GIGYF2: variants seen among roughly 807,000 people sequenced by gnomAD.
The protein encoded by GIGYF2 is GRB10 interacting GYF protein 2, also known as GRB10-interacting GYF protein 2.
GIGYF2 carries 25 observed loss-of-function variants against 208.1 expected under a neutral mutation model. The observed-to-expected ratio is 0.12, with a 90% confidence interval of 0.09 to 0.17. GIGYF2 has a LOEUF of 0.17. Among genes scored for constraint, GIGYF2 ranks in the 10% least tolerant of loss-of-function variants. The pLI is 1.00. For synonymous variants in GIGYF2, 534 were observed against 543.8 expected, an observed-to-expected ratio of 0.98 and a Z score of 0.25; for missense variants, 1,302 against 1,579.4, an observed-to-expected ratio of 0.82 and a Z score of 2.98.
At position 232,811,235 on chromosome 2, in the gene GIGYF2, T is replaced by G. The variant is rs979225194; in HGVS notation, c.1899-9T>G. ...TGACAGGTTATACTTTTTTTTTTAC[T>G]TTTTGAAGACAACAATATGCACAGG... On this transcript the variant is annotated splice_polypyrimidine_tract_variant and intron_variant, in intron 16 of 28. Transcript: ENST00000373563. 6.6e-7 allele frequency: 1 copy of G among 1,515,452 alleles called. No individual in the cohort carries two copies. Among genetic ancestry groups the G allele is most frequent in the Non-Finnish European group, 9.2e-7 (1 of 1,090,120 alleles). 93.9% of individuals were successfully genotyped at this position (1,515,452 alleles called of 1,614,324 possible).
rs1350593521 is a variant in GIGYF2 at position 232,858,595 on chromosome 2, AAAAG to A, written c.*1738_*1741del. The A allele has an allele frequency of 1.1e-5, 5 of 454,446 alleles. No homozygotes were observed. Among genetic ancestry groups the A allele is most frequent in the East Asian group, 1.4e-4 (2 of 14,384 alleles). 28.2% of individuals were successfully genotyped at this position (454,446 alleles called of 1,614,324 possible). A position where few individuals can be genotyped will look rare whatever the true frequency, so the allele number is the denominator to read the frequency against. On this transcript the variant is annotated 3_prime_UTR_variant, in exon 29 of 29. Transcript: ENST00000373563. Reference sequence around the variant, plus strand: ...CTTTTGCCAGTGTGGAGGAAAATAAAAAAGAACTTAAATAAAATCTGATTGTATT... The same window carrying A: ...CTTTTGCCAGTGTGGAGGAAAATAAAAACTTAAATAAAATCTGATTGTATT...
chr2:232,799,765 A>C (rs2106373211), intron 14 of GIGYF2, among the ~76,000 whole-genome samples: 1 of 152,248 alleles, frequency 6.6e-6, no homozygotes, highest in Middle Eastern at 3.4e-3. Flanking sequence ...ACAGTCCACA[A>C]GGGTTTTAAT....
chr2:232,725,787 A>T (rs1291858499), intron 2 of GIGYF2, among the ~76,000 whole-genome samples: 2 of 152,214 alleles, frequency 1.3e-5, no homozygotes, highest in Non-Finnish European at 2.9e-5. Context: ...TTCATAATGC[A>T]TCCAAGTAAT....
At chr2:232,732,109 T>C (rs1357380688) in intron 2 of GIGYF2, among the ~76,000 whole-genome samples, 1 of 152,208 alleles carries the variant, frequency 6.6e-6, no homozygotes, top group African/African-American at 2.4e-5. Flanking sequence ...ATGCAAAGTA[T>C]TGGTGATGCA....
At chr2:232,848,697 A>G (rs957442234) in intron 27 of GIGYF2, among the ~76,000 whole-genome samples, 2 of 152,194 alleles carry the variant, frequency 1.3e-5, no homozygotes, top group Non-Finnish European at 2.9e-5. Context: ...ACATGGCACT[A>G]AATAGACCAC....
intron 3 of GIGYF2, among the ~76,000 whole-genome samples, chr2:232,739,663 C>T (rs1206730984): frequency 2.6e-5 from 4 of 151,830 alleles, no homozygotes; most frequent in Non-Finnish European, 5.9e-5. Flanking sequence ...TAGAGCAAGA[C>T]CCTGTCTCCC....
At chr2:232,849,172 A>T (rs1574953531) in intron 27 of GIGYF2, among the ~76,000 whole-genome samples, 1 of 149,682 alleles carries the variant, frequency 6.7e-6, no homozygotes, top group African/African-American at 2.5e-5. Context: ...GGAAAAACAA[A>T]TTTTTTTTTT....
At chr2:232,796,573 C>A (rs776211545) in intron 14 of GIGYF2, among the ~76,000 whole-genome samples, 2 of 152,120 alleles carry the variant, frequency 1.3e-5, no homozygotes, top group Non-Finnish European at 2.9e-5. Context: ...AAAAATAATT[C>A]GAATACAGCC....
intron 3 of GIGYF2, among the ~76,000 whole-genome samples, chr2:232,737,955 C>T (rs1306517906): frequency 7.3e-6 from 1 of 136,214 alleles, no homozygotes; most frequent in African/African-American, 2.8e-5. Context: ...CTCGCTCTGT[C>T]GCCCAGGCTG....
chr2:232,852,591 A>T (rs947301401), intron 28 of GIGYF2, among the ~76,000 whole-genome samples: 5 of 136,896 alleles, frequency 3.7e-5, no homozygotes, highest in African/African-American at 1.0e-4. Context: ...AATATTATTT[A>T]AAAATAATAA....
chr2:232,809,931 A>G (rs1574910388), intron 16 of GIGYF2, 120 bp downstream of exon 16: 1 of 724,194 alleles, frequency 1.4e-6, no homozygotes, highest in Admixed American at 2.0e-5. Flanking sequence ...CACTTCAGTC[A>G]CCCAGCTAGT....
chr2:232,738,737 A>G (rs1697843392), intron 3 of GIGYF2, among the ~76,000 whole-genome samples: 1 of 152,212 alleles, frequency 6.6e-6, no homozygotes, highest in Non-Finnish European at 1.5e-5. Context: ...TGATATGTAT[A>G]TATACCCTTG....
chr2:232,794,822 C>T lies in GIGYF2; in HGVS notation c.1357C>T (p.Pro453Ser), dbSNP rs746727290. Residue 453 changes from proline (P) to serine (S), a missense_variant, in exon 13 of 29, where the codon CCT becomes TCT. This residue lies in a region of GIGYF2 where 235 missense variants were observed against 218.8 expected (regional missense o/e 1.07). Coordinates refer to ENST00000373563, the MANE Select transcript of GIGYF2 (RefSeq NM_001103146.3). ...DTASPLLILP[P>S]PVPNPSPTLR... Reference sequence around the variant, plus strand: ...AGCCTCTCCTCTTCTCATACTTCCACCTCCTGTTCCCAATCCTAGTCCTAC... The same window carrying T: ...AGCCTCTCCTCTTCTCATACTTCCATCTCCTGTTCCCAATCCTAGTCCTAC... 4 of 1,613,806 alleles carry T rather than the reference C, an allele frequency of 2.5e-6. No individual in the cohort carries two copies. In the South Asian group the frequency reaches 4.4e-5, roughly 18 times the overall value.
intron 6 of GIGYF2, among the ~76,000 whole-genome samples, chr2:232,757,854 C>G (rs1330460149): frequency 1.4e-5 from 2 of 144,308 alleles, no homozygotes; most frequent in African/African-American, 5.0e-5. Flanking sequence ...TTGAATTTCT[C>G]CTTGCTTTTT....
At chr2:232,745,338 A>C (rs984291646) in intron 3 of GIGYF2, among the ~76,000 whole-genome samples, 6 of 152,140 alleles carry the variant, frequency 3.9e-5, no homozygotes, top group African/African-American at 1.4e-4. Context: ...CAAGAAAAAT[A>C]CAAGATGAAC....
chr2:232,716,754 T>C (rs916734111), intron 2 of GIGYF2, among the ~76,000 whole-genome samples: 21 of 152,196 alleles, frequency 1.4e-4, no homozygotes, highest in African/African-American at 4.8e-4. Flanking sequence ...GAATTTAATA[T>C]GTTATCGGAA....
At chr2:232,807,204 T>A (rs1055844249) in intron 15 of GIGYF2, among the ~76,000 whole-genome samples, 1 of 152,092 alleles carries the variant, frequency 6.6e-6, no homozygotes, top group Non-Finnish European at 1.5e-5. Flanking sequence ...TTAAAAAAAT[T>A]AGTTACTGGT....
chr2:232,834,949 T>C (rs1406309278), intron 22 of GIGYF2, among the ~76,000 whole-genome samples: 1 of 152,200 alleles, frequency 6.6e-6, no homozygotes, highest in Non-Finnish European at 1.5e-5. Context: ...ATCTCCTAAA[T>C]AGTGAGCATT....
intron 2 of GIGYF2, among the ~76,000 whole-genome samples, chr2:232,707,906 AG>A (rs1286266470): frequency 6.6e-6 from 1 of 151,864 alleles, no homozygotes; most frequent in Non-Finnish European, 1.5e-5. Flanking sequence ...CCAAAGTGCT[AG>A]GATTATAGGT....
Sources: allele counts gnomAD v4.1 joint callset (sites outside exome capture counted in the v4.1 genomes callset), GRCh38; gene constraint gnomAD v4.1.1; regional missense constraint gnomAD v4.1.1; transcripts MANE v1.5; gene names NCBI Gene and HGNC (gene_info 2026-07-23, HGNC 2026-07-21).